Variants in NUDT21 observed in about 807,000 individuals in gnomAD.
NUDT21 encodes the protein cleavage and polyadenylation specificity factor subunit 5.
In NUDT21, 5 loss-of-function variants were observed where a neutral mutation model predicts 29.8. The observed-to-expected ratio is 0.17, with a 90% CI of 0.09 to 0.35. The LOEUF (loss-of-function observed/expected upper bound fraction) is 0.35, where lower values mean the gene tolerates loss of function less well. Ranked by LOEUF, NUDT21 falls within the 10% of genes least tolerant of loss-of-function variation. The pLI, the probability that NUDT21 is intolerant of heterozygous loss-of-function variation, is 1.00. For missense variants in NUDT21, 76 were observed against 276.0 expected, an observed-to-expected ratio of 0.28 and a Z score of 5.13; for synonymous variants, 113 against 98.5, an observed-to-expected ratio of 1.15 and a Z score of -0.87.
chr16:56,450,713 C>T (rs1391517020), intron 1 of NUDT21, among the ~76,000 whole-genome samples: 1 of 152,216 alleles, frequency 6.6e-6, no homozygotes, highest in African/African-American at 2.4e-5. Flanking sequence ...CACATCAACA[C>T]TCACAAAGCA....
At chr16:56,438,184 A>T (rs1029941930) in intron 4 of NUDT21, among the ~76,000 whole-genome samples, 1 of 152,194 alleles carries the variant, frequency 6.6e-6, no homozygotes, top group Non-Finnish European at 1.5e-5. Flanking sequence ...CACACAGCAG[A>T]AGTGATGGTA....
chr16:56,444,613 A>C (rs34107800), intron 3 of NUDT21, among the ~76,000 whole-genome samples: 2 of 148,990 alleles, frequency 1.3e-5, no homozygotes, highest in African/African-American at 2.5e-5. Flanking sequence ...AAAAAAAAAA[A>C]CAAAAACAAA....
chr16:56,447,301 A>G (rs1369086843), intron 2 of NUDT21, among the ~76,000 whole-genome samples: 1 of 152,236 alleles, frequency 6.6e-6, no homozygotes, highest in African/African-American at 2.4e-5. Context: ...AAGAATGGGA[A>G]ACTTTTTCAA....
Position 56,431,447 on chromosome 16 carries a change from T to C in NUDT21, c.*1265A>G, listed in dbSNP as rs1962032587. ...ATTAATTGCTCAGCTACACTTGGCC[T>C]GATTTCCTCAAGTATCATATACCTT... On this transcript the variant is annotated 3_prime_UTR_variant, in exon 7 of 7. Transcript: ENST00000300291. 6.6e-6 allele frequency: 1 copy of C among 152,222 alleles called. No homozygotes were observed. The highest frequency in any genetic ancestry group is 2.4e-5 in the African/African-American group (1 of 41,458). The allele number at this position is 152,222 out of a possible 1,614,324, so 9.4% of individuals were successfully genotyped here. A position where few individuals can be genotyped will look rare whatever the true frequency, so the allele number is the denominator to read the frequency against.
rs1962043807 is a variant in NUDT21, at chr16:56,432,399, G to A, written c.*313C>T. ...TGCAACATTCACCATCCTAAGGTGG[G>A]GGGAAAAATGATCCTCACCTATAAG... On this transcript the variant is annotated 3_prime_UTR_variant, in exon 7 of 7. Transcript: ENST00000300291. 8.5e-6 allele frequency: 2 copies of A among 236,070 alleles called. No individual in the cohort carries two copies. The highest frequency in any genetic ancestry group is 2.3e-5 in the African/African-American group (1 of 44,314). 14.6% of individuals were successfully genotyped at this position (236,070 alleles called of 1,614,324 possible). A position where few individuals can be genotyped will look rare whatever the true frequency, so the allele number is the denominator to read the frequency against.
chr16:56,435,532 C>G (rs1277549966), intron 4 of NUDT21, among the ~76,000 whole-genome samples: 10 of 150,450 alleles, frequency 6.6e-5, no homozygotes, highest in Non-Finnish European at 1.5e-4. Context: ...CAAGACCATC[C>G]TGGCTAGCAC....
chr16:56,432,730 G>T lies in NUDT21; in HGVS notation c.666C>A (p.Phe222Leu). Residue 222 changes from phenylalanine (F) to leucine (L), a missense_variant, in exon 7 of 7, where the codon TTC (phenylalanine) becomes TTA (leucine). Phe to Leu is a conservative substitution (Grantham distance 22). Around this residue, in one of 5 missense-constraint regions of NUDT21, gnomAD observed 13 missense variants for 59.7 expected, o/e 0.22. Transcript: ENST00000300291. ...CAGGAATTCAGTTGTAAATAAAATT[G>T]AACCTGAATTTTAAAAAGAACAATA... Reference protein sequence around the residue: ...ISSLPQLLSRFNFIYN With the variant: ...ISSLPQLLSRLNFIYN 1 of 1,606,622 alleles carries T rather than the reference G, an allele frequency of 6.2e-7. No individual in the cohort carries two copies. Among genetic ancestry groups the T allele is most frequent in the Admixed American group, 1.7e-5 (1 of 59,470 alleles).
At chr16:56,439,013 T>C (rs1375246117) in intron 4 of NUDT21, 1 of 152,188 alleles carries the variant, frequency 6.6e-6, no homozygotes, top group African/African-American at 2.4e-5. Context: ...ATATTTACAA[T>C]TGAAATGAAT....
chr16:56,431,593 A>G lies in NUDT21; in HGVS notation c.*1119T>C, dbSNP rs1436542928. The G allele has an allele frequency of 6.6e-6, 1 of 152,162 alleles. No homozygotes were observed. Among genetic ancestry groups the G allele is most frequent in the Non-Finnish European group, 1.5e-5 (1 of 68,020 alleles). 9.4% of individuals were successfully genotyped at this position (152,162 alleles called of 1,614,324 possible). Reference sequence around the variant, plus strand: ...TACATCTGGCAAGATTCCTTTTTACATTAAGCCTATAGTCAACAAGTCTGT... The same window carrying G: ...TACATCTGGCAAGATTCCTTTTTACGTTAAGCCTATAGTCAACAAGTCTGT... On this transcript the variant is annotated 3_prime_UTR_variant, in exon 7 of 7. Coordinates refer to ENST00000300291, the MANE Select transcript of NUDT21 (RefSeq NM_007006.3).
In NUDT21 at chr16:56,432,039, A is replaced by G. The variant is rs1233865006; in HGVS notation, c.*673T>C. On this transcript the variant is annotated 3_prime_UTR_variant, in exon 7 of 7. Transcript: ENST00000300291. ...TAATTAATACCCCCATTATGTGAAG[A>G]AAACTCTGAGCTCTAAATGAGTCTC... 1 of 152,210 alleles carries G rather than the reference A, an allele frequency of 6.6e-6. No individual in the cohort carries two copies. Among genetic ancestry groups the G allele is most frequent in the Non-Finnish European group, 1.5e-5 (1 of 68,026 alleles). The allele number at this position is 152,210 out of a possible 1,614,324, so 9.4% of individuals were successfully genotyped here. A position where few individuals can be genotyped will look rare whatever the true frequency, so the allele number is the denominator to read the frequency against.
At chr16:56,441,881 T>G (rs559159717) in intron 3 of NUDT21, among the ~76,000 whole-genome samples, 1 of 152,366 alleles carries the variant, frequency 6.6e-6, no homozygotes, top group African/African-American at 2.4e-5. Context: ...TCTATTAATT[T>G]CATCTTTTCT....
intron 4 of NUDT21, among the ~76,000 whole-genome samples, chr16:56,435,746 TATATATATATATATA>T (rs1962093477): frequency 2.0e-5 from 1 of 49,656 alleles, no homozygotes; most frequent in Non-Finnish European, 3.9e-5. Flanking sequence ...AAAAAAATTA[TATATATATATATATA>T]TATATATATA....
rs555319278 is a variant in NUDT21, at chr16:56,441,730, CA to C, written c.382-1985del. Among the ~76,000 whole-genome samples the C allele has an allele frequency of 2.4e-3, 358 of 152,302 alleles. 1 individual carries two copies. Among genetic ancestry groups the C allele is most frequent in the Admixed American group, 5.0e-3 (76 of 15,300 alleles). On this transcript the variant is annotated intron_variant, in intron 3 of 6. Transcript: ENST00000300291. ...TCAGTCACAACAGAGCAATGATTAG[CA>C]AACCGTATCTCCTTACTTGTTCAAC...
At chr16:56,439,799 C>T (rs1354636264) in intron 3 of NUDT21, 53 bp from the exon 4 acceptor site, 2 of 1,396,612 alleles carry the variant, frequency 1.4e-6, no homozygotes, top group South Asian at 1.2e-5. Context: ...CTCACAAATC[C>T]CCTTCTTCAG....
chr16:56,433,176 A>G (rs1192830918), intron 6 of NUDT21, among the ~76,000 whole-genome samples: 1 of 152,226 alleles, frequency 6.6e-6, no homozygotes, highest in Non-Finnish European at 1.5e-5. Context: ...AGGTTTGATT[A>G]GTGACGAAGT....
chr16:56,445,099 G>A (rs758434145), intron 3 of NUDT21, among the ~76,000 whole-genome samples: 17 of 152,056 alleles, frequency 1.1e-4, no homozygotes, highest in Non-Finnish European at 2.4e-4. Context: ...CCGGAGAATC[G>A]CTTAAACCCG....
intron 3 of NUDT21, among the ~76,000 whole-genome samples, chr16:56,443,314 T>C (rs1345665131): frequency 1.3e-5 from 2 of 151,962 alleles, no homozygotes; most frequent in African/African-American, 4.8e-5. Context: ...GTAGCTGGGA[T>C]TACAGGCACC....
At chr16:56,442,133 C>T (rs1298243822) in intron 3 of NUDT21, among the ~76,000 whole-genome samples, 1 of 152,216 alleles carries the variant, frequency 6.6e-6, no homozygotes, top group South Asian at 2.1e-4. Context: ...CTGCCCATCT[C>T]AGCCTCCCAA....
At chr16:56,433,260 G>C (rs542184563) in intron 6 of NUDT21, among the ~76,000 whole-genome samples, 1 of 152,332 alleles carries the variant, frequency 6.6e-6, no homozygotes, top group African/African-American at 2.4e-5. Flanking sequence ...GTATGTACCA[G>C]ATTACTGGCA....
Sources: allele counts gnomAD v4.1 joint callset (sites outside exome capture counted in the v4.1 genomes callset), GRCh38; gene constraint gnomAD v4.1.1; regional missense constraint gnomAD v4.1.1; transcripts MANE v1.5; gene names NCBI Gene and HGNC (gene_info 2026-07-23, HGNC 2026-07-21).